Variants in GRM7 observed in about 807,000 individuals in gnomAD.
GRM7 encodes the protein metabotropic glutamate receptor 7.
In GRM7, 35 loss-of-function variants were observed where a neutral mutation model predicts 84.5. The ratio of observed to expected loss-of-function variants is 0.41; its 90% CI spans 0.32 to 0.55. The LOEUF (loss-of-function observed/expected upper bound fraction) is 0.55. Among genes scored for constraint, GRM7 ranks in the 20% least tolerant of loss-of-function variants. The pLI, the probability that GRM7 is intolerant of heterozygous loss-of-function variation, is 0.19. For synonymous variants in GRM7, 487 were observed against 455.1 expected (o/e 1.07, Z -0.89); for missense variants, 1,003 against 1,194.6 (o/e 0.84, Z 2.36).
At chr3:7,127,236 TTC>T (rs1175788157) in intron 1 of GRM7, among the ~76,000 whole-genome samples, 1 of 152,204 alleles carries the variant, frequency 6.6e-6, no homozygotes, top group East Asian at 1.9e-4. Context: ...CGTCACACCT[TTC>T]TCTCCCCTAA....
intron 1 of GRM7, among the ~76,000 whole-genome samples, chr3:7,063,285 G>C (rs1180606395): frequency 6.6e-6 from 1 of 151,672 alleles, no homozygotes; most frequent in Admixed American, 6.6e-5. Context: ...GTGAATCAGA[G>C]ATTATCTTAA....
At chr3:6,938,585 G>A (rs1232564699) in intron 1 of GRM7, among the ~76,000 whole-genome samples, 5 of 152,212 alleles carry the variant, frequency 3.3e-5, no homozygotes, top group African/African-American at 7.2e-5. Flanking sequence ...AGAGAGACAG[G>A]CATTGACACC....
intron 2 of GRM7, among the ~76,000 whole-genome samples, chr3:7,187,089 T>G (rs1235514850): frequency 6.6e-6 from 1 of 152,076 alleles, no homozygotes; most frequent in Non-Finnish European, 1.5e-5. Flanking sequence ...CTGGGCAACA[T>G]AGTGAGACCC....
At chr3:7,272,710 C>T (rs191306301) in intron 2 of GRM7, among the ~76,000 whole-genome samples, 6 of 151,906 alleles carry the variant, frequency 3.9e-5, no homozygotes, top group Admixed American at 3.9e-4. Context: ...TTTTTTATAT[C>T]TGATACTAGC....
At chr3:7,635,864 T>C (rs1034021626) in intron 8 of GRM7, among the ~76,000 whole-genome samples, 2 of 151,908 alleles carry the variant, frequency 1.3e-5, no homozygotes, top group Admixed American at 1.3e-4. Context: ...TTTATACAGA[T>C]AGGGTCTCAC....
Position 7,740,732 on chromosome 3 carries a change from G to A in GRM7, c.*326G>A. On this transcript the variant is annotated 3_prime_UTR_variant, in exon 10 of 10. Transcript: ENST00000357716. The stretch of plus-strand genomic sequence containing the variant: ...AGAGCCACAGGACCGTTTTGGGGCT[G>A]ACCTGTCTTATTACGTATGTACTTC... 4.2e-6 allele frequency: 1 copy of A among 238,020 alleles called. No homozygotes were observed. The highest frequency in any genetic ancestry group is 8.0e-6 in the Non-Finnish European group (1 of 124,336). 14.7% of individuals were successfully genotyped at this position (238,020 alleles called of 1,614,324 possible).
chr3:7,731,740 A>G (rs1016583474), intron 9 of GRM7, among the ~76,000 whole-genome samples: 2 of 152,122 alleles, frequency 1.3e-5, no homozygotes, highest in African/African-American at 2.4e-5. Flanking sequence ...TAACACCACA[A>G]TTGTAGACTG....
At chr3:7,365,184 C>T (rs1051231168) in intron 4 of GRM7, among the ~76,000 whole-genome samples, 23 of 151,722 alleles carry the variant, frequency 1.5e-4, no homozygotes, top group Non-Finnish European at 4.4e-5. Context: ...GTAACTTGCT[C>T]TTCTTTCTGA....
rs975761566 is a variant in GRM7 at position 7,130,720 on chromosome 3, A to G, written c.520-15732A>G. Among the ~76,000 whole-genome samples the G allele has an allele frequency of 1.2e-4, 19 of 152,200 alleles. 3 individuals carry two copies. The highest frequency in any genetic ancestry group is 4.6e-4 in the Admixed American group (7 of 15,294). On this transcript the variant is annotated intron_variant, in intron 1 of 9. Coordinates refer to ENST00000357716, the MANE Select transcript of GRM7 (RefSeq NM_000844.4). ...CAGGAAGCAGTCAACCTAAAATGCA[A>G]TTACATGCAAAAAAGTTTCAGTCAT...
intron 1 of GRM7, among the ~76,000 whole-genome samples, chr3:7,119,894 C>T (rs1693162656): frequency 6.6e-6 from 1 of 152,030 alleles, no homozygotes; most frequent in Non-Finnish European, 1.5e-5. Context: ...TCATTTCCTC[C>T]CATTGTAATA....
intron 9 of GRM7, among the ~76,000 whole-genome samples, chr3:7,682,917 T>G (rs1700436311): frequency 6.6e-6 from 1 of 152,218 alleles, no homozygotes; most frequent in Non-Finnish European, 1.5e-5. Context: ...ATATTGTTAT[T>G]CTTATTTTAC....
At chr3:7,409,246 T>C (rs1362283163) in intron 4 of GRM7, among the ~76,000 whole-genome samples, 1 of 152,210 alleles carries the variant, frequency 6.6e-6, no homozygotes, top group Admixed American at 6.5e-5. Context: ...TTTTTCTGTA[T>C]GAACTTTAAA....
intron 7 of GRM7, among the ~76,000 whole-genome samples, chr3:7,473,959 C>T (rs544383678): frequency 6.6e-6 from 1 of 152,220 alleles, no homozygotes; most frequent in East Asian, 1.9e-4. Flanking sequence ...TGCTATTTAG[C>T]TGGGTGATTG....
At chr3:6,958,719 A>G (rs567475828) in intron 1 of GRM7, among the ~76,000 whole-genome samples, 65 of 152,266 alleles carry the variant, frequency 4.3e-4, no homozygotes, top group African/African-American at 1.5e-3. Context: ...GATGTTACCA[A>G]TTTCATACCC....
Position 7,686,262 on chromosome 3 carries a change from C to T in GRM7, c.2698+5967C>T, listed in dbSNP as rs112864389. 34 of 628,086 alleles carry T rather than the reference C, an allele frequency of 5.4e-5. 1 individual carries two copies. The highest frequency in any genetic ancestry group is 3.6e-4 in the South Asian group (17 of 47,294). 38.9% of individuals were successfully genotyped at this position (628,086 alleles called of 1,614,324 possible). On this transcript the variant is annotated intron_variant, in intron 9 of 9. Transcript: ENST00000357716. ...TGGGCATGATGTGTATGGTCTCTATCGCAGCCTTTTCCCAAAAGGAAAATA... is the reference window on the plus strand; with the variant it reads ...TGGGCATGATGTGTATGGTCTCTATTGCAGCCTTTTCCCAAAAGGAAAATA...
intron 9 of GRM7, among the ~76,000 whole-genome samples, chr3:7,686,036 G>A (rs897067119): frequency 6.6e-6 from 1 of 152,134 alleles, no homozygotes; most frequent in African/African-American, 2.4e-5. Context: ...ACTAGGGTGA[G>A]AAAAAAGGGC....
intron 1 of GRM7, among the ~76,000 whole-genome samples, chr3:7,096,149 G>T (rs1315573831): frequency 1.3e-5 from 2 of 152,038 alleles, no homozygotes; most frequent in Non-Finnish European, 2.9e-5. Flanking sequence ...GCTAACTCAA[G>T]CCAGTTTGCT....
At chr3:7,517,461 C>T (rs542497121) in intron 7 of GRM7, among the ~76,000 whole-genome samples, 46 of 152,200 alleles carry the variant, frequency 3.0e-4, no homozygotes, top group Admixed American at 2.8e-3. Context: ...TGCATGATCT[C>T]GGCTCACTGC....
chr3:6,871,682 A>G (rs1035574311), intron 1 of GRM7, among the ~76,000 whole-genome samples: 5 of 152,122 alleles, frequency 3.3e-5, no homozygotes, highest in African/African-American at 1.2e-4. Context: ...ATAAAAATGC[A>G]TGACCATGTT....
Sources: allele counts gnomAD v4.1 joint callset (sites outside exome capture counted in the v4.1 genomes callset), GRCh38; gene constraint gnomAD v4.1.1; transcripts MANE v1.5; gene names NCBI Gene and HGNC (gene_info 2026-07-23, HGNC 2026-07-21).